The following ATP10B variants were observed in gnomAD, a reference collection of about 807,000 sequenced individuals.
ATP10B encodes phospholipid-transporting ATPase VB.
Under a neutral mutation model 141.2 loss-of-function variants are expected in ATP10B, and 122 were observed. That is an observed-to-expected ratio of 0.86 (90% CI 0.75 to 1.00). ATP10B has a LOEUF of 1.00. ATP10B is among the 50% of genes least tolerant of loss of function. The pLI is 0.00. For synonymous variants in ATP10B, 685 were observed against 692.0 expected (o/e 0.99, Z 0.16); for missense variants, 1,876 against 1,825.3 (o/e 1.03, Z -0.51).
chr5:160,675,705 C>T (rs930264110), intron 6 of ATP10B, among the ~76,000 whole-genome samples: 10 of 152,196 alleles, frequency 6.6e-5, no homozygotes, highest in African/African-American at 1.9e-4. Flanking sequence ...GAGGAATGCC[C>T]GACAGAGTGA....
intron 1 of ATP10B, among the ~76,000 whole-genome samples, chr5:160,840,812 A>T (rs1013702953): frequency 1.3e-5 from 2 of 152,172 alleles, no homozygotes; most frequent in African/African-American, 4.8e-5. Context: ...GCAATTTATA[A>T]AATAATATAA....
At chr5:160,616,533 C>G (rs949414754) in intron 16 of ATP10B, among the ~76,000 whole-genome samples, 1 of 152,028 alleles carries the variant, frequency 6.6e-6, no homozygotes, top group African/African-American at 2.4e-5. Context: ...GGAAAGAAAG[C>G]AGCCTGTAGA....
At chr5:160,789,983 C>T (rs1771451090) in intron 1 of ATP10B, among the ~76,000 whole-genome samples, 1 of 152,034 alleles carries the variant, frequency 6.6e-6, no homozygotes, top group Admixed American at 6.6e-5. Flanking sequence ...TAGGCAAATT[C>T]CTTATCCTCT....
the ATP10B span, among the ~76,000 whole-genome samples, chr5:160,925,026 A>G: frequency 6.6e-6 from 1 of 152,246 alleles, no homozygotes; most frequent in Admixed American, 6.5e-5. Context: ...TTCACTTACC[A>G]GGCTAAAGAT....
chr5:160,813,398 T>A (rs1773319134), intron 1 of ATP10B, among the ~76,000 whole-genome samples: 1 of 152,090 alleles, frequency 6.6e-6, no homozygotes, highest in South Asian at 2.1e-4. Flanking sequence ...AGCACAGCAG[T>A]CTAAGATCAA....
chr5:160,892,291 A>G, the ATP10B span, among the ~76,000 whole-genome samples: 3 of 152,198 alleles, frequency 2.0e-5, no homozygotes, highest in East Asian at 5.8e-4. Flanking sequence ...CACCTGCTCC[A>G]GCCATGCTGA....
chr5:160,780,009 A>G (rs1770608354), intron 2 of ATP10B, among the ~76,000 whole-genome samples: 1 of 152,240 alleles, frequency 6.6e-6, no homozygotes, highest in African/African-American at 2.4e-5. Context: ...GATAAAACCA[A>G]TTCTAATCTA....
chr5:160,788,640 A>C (rs1438759773), intron 1 of ATP10B, among the ~76,000 whole-genome samples: 1 of 152,134 alleles, frequency 6.6e-6, no homozygotes, highest in Non-Finnish European at 1.5e-5. Context: ...CTTTCAATAG[A>C]ATGCCCTGAA....
At chr5:160,850,592 C>G (rs983270106) in intron 1 of ATP10B, among the ~76,000 whole-genome samples, 16 of 152,106 alleles carry the variant, frequency 1.1e-4, no homozygotes, top group African/African-American at 3.1e-4. Flanking sequence ...CTCAGAGCTC[C>G]GTTCCTTTGA....
chr5:160,806,806 CTT>C (rs1351699168), intron 1 of ATP10B, among the ~76,000 whole-genome samples: 1 of 152,194 alleles, frequency 6.6e-6, no homozygotes, highest in East Asian at 1.9e-4. Context: ...AGAGTAAAGA[CTT>C]AATCTTGGGA....
chr5:160,775,976 T>C (rs534988667), intron 2 of ATP10B, among the ~76,000 whole-genome samples: 1 of 152,314 alleles, frequency 6.6e-6, no homozygotes, highest in East Asian at 1.9e-4. Flanking sequence ...GAGATAATCA[T>C]TGTAGCTGCC....
chr5:160,842,616 A>C (rs2127987872), intron 1 of ATP10B, among the ~76,000 whole-genome samples: 1 of 152,198 alleles, frequency 6.6e-6, no homozygotes, highest in Non-Finnish European at 1.5e-5. Context: ...TAAAAATTCA[A>C]CTGATATTTT....
chr5:160,812,074 G>A (rs1581578817), intron 1 of ATP10B, among the ~76,000 whole-genome samples: 1 of 150,966 alleles, frequency 6.6e-6, no homozygotes, highest in East Asian at 1.9e-4. Flanking sequence ...GAGGGAGAGA[G>A]ATTCCTCTTG....
In ATP10B at chr5:160,565,812, T is replaced by G; in HGVS notation, c.4027A>C (p.Asn1343His). The change falls in exon 26 of 26, where the codon AAC becomes CAC. Residue 1343 changes from asparagine to histidine, a missense_variant. Asn to His is a moderately conservative substitution (Grantham distance 68). Transcript: ENST00000327245. ...CTTCTCCAACTCTGGATTTCCAGGT[T>G]TCTTTTGTCTGGGGGGAGTTTGTCA... ...KIDKLPPDKR[N>H]LEIQSWRSRQ... is the part of the protein sequence containing the mutation. 4.3e-6 allele frequency: 7 copies of G among 1,614,070 alleles called. No homozygotes were observed. Among genetic ancestry groups the G allele is most frequent in the Non-Finnish European group, 5.9e-6 (7 of 1,179,958 alleles).
chr5:160,899,630 A>G, the ATP10B span, among the ~76,000 whole-genome samples: 1 of 152,224 alleles, frequency 6.6e-6, no homozygotes, highest in Non-Finnish European at 1.5e-5. Context: ...TACTTTTTTC[A>G]GTGACATGAG....
At chr5:160,723,672 T>C (rs1352051808) in intron 2 of ATP10B, among the ~76,000 whole-genome samples, 1 of 152,188 alleles carries the variant, frequency 6.6e-6, no homozygotes, top group East Asian at 1.9e-4. Flanking sequence ...TATCTAGCCA[T>C]ATAAAATTAA....
chr5:160,814,821 G>A (rs1340577495), intron 1 of ATP10B, among the ~76,000 whole-genome samples: 1 of 152,202 alleles, frequency 6.6e-6, no homozygotes, highest in Non-Finnish European at 1.5e-5. Context: ...AGAGAGTGGG[G>A]GCCAATATTC....
intron 12 of ATP10B, 191 bp downstream of exon 12, chr5:160,634,163 T>C (rs201857320): frequency 9.6e-6 from 8 of 834,130 alleles, no homozygotes; most frequent in Non-Finnish European, 1.6e-5. Flanking sequence ...TGTAAACAAA[T>C]GAAAGTTTAC....
At chr5:160,719,014 C>T (rs1179264931) in intron 2 of ATP10B, among the ~76,000 whole-genome samples, 2 of 152,164 alleles carry the variant, frequency 1.3e-5, no homozygotes, top group Non-Finnish European at 2.9e-5. Context: ...GATTGAAGTT[C>T]GTCAGAGTTC....
Sources: allele counts gnomAD v4.1 joint callset (sites outside exome capture counted in the v4.1 genomes callset), GRCh38; gene constraint gnomAD v4.1.1; transcripts MANE v1.5; gene names NCBI Gene and HGNC (gene_info 2026-07-23, HGNC 2026-07-21).